TNFAIP8: variants seen among roughly 807,000 people sequenced by gnomAD.
The protein encoded by TNFAIP8 is TNF alpha induced protein 8.
Under a neutral mutation model 13.3 loss-of-function variants are expected in TNFAIP8, and 7 were observed. The ratio of observed to expected loss-of-function variants is 0.52; its 90% CI spans 0.30 to 0.99. The LOEUF is 0.99. Among genes scored for constraint, TNFAIP8 ranks in the 50% least tolerant of loss-of-function variants. The pLI, the probability that TNFAIP8 is intolerant of heterozygous loss-of-function variation, is 0.07. For missense variants in TNFAIP8, 258 were observed against 236.9 expected, an observed-to-expected ratio of 1.09 and a Z score of -0.58; for synonymous variants, 94 against 87.6, an observed-to-expected ratio of 1.07 and a Z score of -0.41.
At chr5:119,298,358 A>G (rs1320801082) in intron 1 of TNFAIP8, among the ~76,000 whole-genome samples, 1 of 151,990 alleles carries the variant, frequency 6.6e-6, no homozygotes, top group African/African-American at 2.4e-5. Context: ...TTTCTCCTTC[A>G]CTTATGAAGC....
rs557606912 is a variant in TNFAIP8, at chr5:119,325,580, T to C, written c.1+56673T>C. ...CTCCTGCCTCAGCCTCCCGAGTAGC[T>C]GGGACTACAGGCGTCCGCCACCATA... On this transcript the variant is annotated intron_variant, in intron 1 of 1. Coordinates refer to the TNFAIP8 transcript ENST00000274456. Among the ~76,000 whole-genome samples the C allele has an allele frequency of 3.2e-3, 488 of 152,358 alleles. 1 individual carries two copies. Among genetic ancestry groups the C allele is most frequent in the Non-Finnish European group, 6.0e-3 (410 of 68,036 alleles).
chr5:119,300,282 A>G (rs79917970), intron 1 of TNFAIP8, among the ~76,000 whole-genome samples: 1 of 152,238 alleles, frequency 6.6e-6, no homozygotes, highest in East Asian at 1.9e-4. Flanking sequence ...CTTAGCAGGA[A>G]CTTGAGAAAA....
chr5:119,392,874 G>A lies in TNFAIP8; in HGVS notation c.90G>A (p.Leu30=). Residue 30 remains leucine, a synonymous_variant, in exon 2 of 2, where the codon TTG becomes TTA. Coordinates refer to ENST00000504771, the MANE Select transcript of TNFAIP8 (RefSeq NM_014350.4). ...CCGTTCAGGCACAAAAGAAGATCTT[G>A]GGTAAAATGGTGTCCAAATCCATCG... ...NLAVQAQKKI[L]GKMVSKSIAT... The A allele has an allele frequency of 1.3e-6, 2 of 1,572,514 alleles. No homozygotes were observed. The highest frequency in any genetic ancestry group is 1.7e-6 in the Non-Finnish European group (2 of 1,159,038).
chr5:119,336,188 G>C (rs1270969453), intron 1 of TNFAIP8, among the ~76,000 whole-genome samples: 1 of 152,174 alleles, frequency 6.6e-6, no homozygotes, highest in Non-Finnish European at 1.5e-5. Context: ...CATGAGATGA[G>C]AAGCCATTTG....
intron 1 of TNFAIP8, among the ~76,000 whole-genome samples, chr5:119,303,966 CCTCT>C (rs1053281094): frequency 4.6e-5 from 7 of 152,232 alleles, no homozygotes; most frequent in Middle Eastern, 3.4e-3. Context: ...GCCTTTTCTC[CCTCT>C]GTCTTCTGAG....
upstream of TNFAIP8, chr5:119,355,352 C>T (rs986522079): frequency 1.4e-6 from 1 of 702,484 alleles, no homozygotes; most frequent in South Asian, 1.5e-5. Context: ...CGGGGCTATA[C>T]TGAATGAGTA....
intron 1 of TNFAIP8, among the ~76,000 whole-genome samples, chr5:119,309,156 T>A (rs1319226183): frequency 6.6e-6 from 1 of 152,228 alleles, no homozygotes; most frequent in Non-Finnish European, 1.5e-5. Flanking sequence ...TCCTCTGTGT[T>A]AAAAGCCTCT....
intron 1 of TNFAIP8, among the ~76,000 whole-genome samples, chr5:119,339,011 C>G (rs1750648872): frequency 6.6e-6 from 1 of 151,914 alleles, no homozygotes; most frequent in Non-Finnish European, 1.5e-5. Context: ...TGTGCTACTG[C>G]ACTTCAGCCT....
chr5:119,330,531 C>T (rs1388630481), intron 1 of TNFAIP8, among the ~76,000 whole-genome samples: 1 of 152,146 alleles, frequency 6.6e-6, no homozygotes, highest in Non-Finnish European at 1.5e-5. Context: ...GGTTAGGCCT[C>T]ATGGCCTCTC....
chr5:119,303,593 G>T (rs1281581000), intron 1 of TNFAIP8, among the ~76,000 whole-genome samples: 4 of 152,152 alleles, frequency 2.6e-5, no homozygotes, highest in South Asian at 2.1e-4. Context: ...ATGTGTAATG[G>T]CATATTAACC....
At chr5:119,333,525 A>C (rs1374519990) in intron 1 of TNFAIP8, 2 of 1,533,492 alleles carry the variant, frequency 1.3e-6, no homozygotes, top group South Asian at 2.4e-5. Context: ...TCCATAGTGT[A>C]CACGTCAACA....
chr5:119,362,966 A>T (rs1341654976), intron 1 of TNFAIP8, among the ~76,000 whole-genome samples: 1 of 152,176 alleles, frequency 6.6e-6, no homozygotes, highest in South Asian at 2.1e-4. Context: ...AGCCAGTCAC[A>T]AAGGGAGAGT....
At chr5:119,309,473 G>A (rs182321558) in intron 1 of TNFAIP8, among the ~76,000 whole-genome samples, 324 of 152,324 alleles carry the variant, frequency 2.1e-3, no homozygotes, top group East Asian at 0.016. Context: ...CACAGGGGCA[G>A]CTGTGGCTCG....
intron 1 of TNFAIP8, chr5:119,333,391 G>A (rs1161000098): frequency 3.0e-6 from 4 of 1,340,634 alleles, no homozygotes; most frequent in African/African-American, 3.0e-5. Context: ...CAAAGTGACT[G>A]TAGTTGACCA....
intron 1 of TNFAIP8, among the ~76,000 whole-genome samples, chr5:119,338,211 C>CACACACACACA (rs70982473): frequency 2.0e-5 from 3 of 146,484 alleles, no homozygotes; most frequent in Non-Finnish European, 3.0e-5. Flanking sequence ...CACACACACA[C>CACACACACACA]CTTCTCAGCA....
intron 1 of TNFAIP8, among the ~76,000 whole-genome samples, chr5:119,336,136 G>A (rs956205609): frequency 6.6e-6 from 1 of 152,148 alleles, no homozygotes; most frequent in Non-Finnish European, 1.5e-5. Flanking sequence ...GCTAGATGGT[G>A]GGACCTTGTG....
At chr5:119,388,803 T>TTC (rs1752779807) in intron 1 of TNFAIP8, among the ~76,000 whole-genome samples, 1 of 151,402 alleles carries the variant, frequency 6.6e-6, no homozygotes, top group African/African-American at 2.4e-5. Flanking sequence ...CAGCTATTTT[T>TTC]TTTTTTTTTT....
intron 1 of TNFAIP8, among the ~76,000 whole-genome samples, chr5:119,270,584 G>T (rs1748263013): frequency 6.6e-6 from 1 of 152,174 alleles, no homozygotes; most frequent in Non-Finnish European, 1.5e-5. Flanking sequence ...AACACAATTT[G>T]CTTTTTTGCA....
chr5:119,338,165 G>GACACACACACACACACACAC (rs367789572), intron 1 of TNFAIP8, among the ~76,000 whole-genome samples: 6 of 125,166 alleles, frequency 4.8e-5, no homozygotes, highest in Admixed American at 8.0e-5. Context: ...CTGGAACTTT[G>GACACACACACACACACACAC]ACACACACAC....
Sources: gnomAD v4.1 joint callset for allele counts (sites outside exome capture counted in the v4.1 genomes callset) on GRCh38, gnomAD v4.1.1 for gene constraint, MANE v1.5 for transcripts, NCBI Gene and HGNC (gene_info 2026-07-23, HGNC 2026-07-21) for gene names.